Variants in ATP8B1 observed in about 807,000 individuals in gnomAD.
ATP8B1 encodes the protein phospholipid-transporting ATPase IC.
In ATP8B1, 80 loss-of-function variants were observed where a neutral mutation model predicts 149.9. That is an observed-to-expected ratio of 0.53 (90% CI 0.45 to 0.64). ATP8B1 has a LOEUF of 0.64. Among genes scored for constraint, ATP8B1 ranks in the 30% least tolerant of loss-of-function variants. The pLI, the probability that ATP8B1 is intolerant of heterozygous loss-of-function variation, is 0.00. For missense variants in ATP8B1, 1,247 were observed against 1,552.6 expected, an observed-to-expected ratio of 0.80 and a Z score of 3.31; for synonymous variants, 536 against 562.8, an observed-to-expected ratio of 0.95 and a Z score of 0.67.
intron 2 of ATP8B1, among the ~76,000 whole-genome samples, chr18:57,726,587 T>G (rs1436323296): frequency 2.0e-5 from 3 of 152,154 alleles, no homozygotes; most frequent in Non-Finnish European, 4.4e-5. Flanking sequence ...CCCCAGTTAG[T>G]GCAAAGGAGA....
At chr18:57,732,459 C>G (rs1006894464) in intron 1 of ATP8B1, among the ~76,000 whole-genome samples, 1 of 151,190 alleles carries the variant, frequency 6.6e-6, no homozygotes, top group Admixed American at 6.6e-5. Flanking sequence ...ATGAAACAGG[C>G]TATAAAATAT....
intron 24 of ATP8B1, 44 bp from the exon 25 acceptor site, chr18:57,652,773 A>C (rs759994788): frequency 6.2e-7 from 1 of 1,613,140 alleles, no homozygotes; most frequent in Non-Finnish European, 8.5e-7. Context: ...CATCAGGTCA[A>C]AGCAGTCAGA....
chr18:57,666,447 T>G (rs1388410396), intron 20 of ATP8B1, among the ~76,000 whole-genome samples: 1 of 151,974 alleles, frequency 6.6e-6, no homozygotes, highest in Non-Finnish European at 1.5e-5. Flanking sequence ...TAAAAGTTCC[T>G]AGAAAAAGCA....
At chr18:57,688,701 G>A (rs536332427) in intron 12 of ATP8B1, 194 bp from the exon 13 acceptor site, 4 of 616,176 alleles carry the variant, frequency 6.5e-6, no homozygotes, top group East Asian at 2.9e-5. Context: ...GCCTTTAGAA[G>A]GTCATTAGGT....
chr18:57,667,370 G>C, intron 19 of ATP8B1: 2 of 552,300 alleles, frequency 3.6e-6, no homozygotes, highest in Non-Finnish European at 6.5e-6. Context: ...CTGGGACTAC[G>C]CAACTCGCTG....
intron 1 of ATP8B1, among the ~76,000 whole-genome samples, chr18:57,755,780 T>C (rs562446019): frequency 6.6e-6 from 1 of 152,278 alleles, no homozygotes; most frequent in East Asian, 1.9e-4. Flanking sequence ...TCCTATATTC[T>C]CTCCTGTTCT....
intron 11 of ATP8B1, 142 bp from the exon 12 acceptor site, chr18:57,692,139 C>T: frequency 3.0e-6 from 4 of 1,348,220 alleles, no homozygotes; most frequent in Middle Eastern, 2.4e-4. Flanking sequence ...CAAATAAAAA[C>T]AGCACTATCA....
chr18:57,689,803 G>T (rs1912441191), intron 12 of ATP8B1, among the ~76,000 whole-genome samples: 1 of 152,176 alleles, frequency 6.6e-6, no homozygotes, highest in Non-Finnish European at 1.5e-5. Context: ...GGATCATGAG[G>T]TCAGGAGTTC....
intron 20 of ATP8B1, among the ~76,000 whole-genome samples, chr18:57,666,400 G>T (rs1910857645): frequency 6.7e-6 from 1 of 148,812 alleles, no homozygotes; most frequent in Non-Finnish European, 1.5e-5. Context: ...AAAGTTTTGG[G>T]TTTTTTTTTT....
At chr18:57,780,243 G>T (rs1472784420) in intron 1 of ATP8B1, among the ~76,000 whole-genome samples, 1 of 152,138 alleles carries the variant, frequency 6.6e-6, no homozygotes, top group Non-Finnish European at 1.5e-5. Flanking sequence ...TCCTTGAAAG[G>T]ATTAAAAAAT....
chr18:57,744,270 G>A (rs890770002), intron 1 of ATP8B1, among the ~76,000 whole-genome samples: 7 of 132,074 alleles, frequency 5.3e-5, no homozygotes, highest in African/African-American at 2.1e-4. Context: ...AGCCAAGATG[G>A]CACCACTCCA....
chr18:57,693,787 C>A (rs1389811363), intron 11 of ATP8B1, among the ~76,000 whole-genome samples: 1 of 152,164 alleles, frequency 6.6e-6, no homozygotes, highest in African/African-American at 2.4e-5. Flanking sequence ...TGCTGACCAT[C>A]TGCATTCTTT....
chr18:57,747,870 C>A (rs2079978827), intron 1 of ATP8B1, among the ~76,000 whole-genome samples: 1 of 152,172 alleles, frequency 6.6e-6, no homozygotes, highest in Admixed American at 6.5e-5. Context: ...CAAACTCTTC[C>A]AAGGCAGCAG....
intron 2 of ATP8B1, among the ~76,000 whole-genome samples, chr18:57,725,230 A>G (rs1209852002): frequency 2.0e-5 from 2 of 100,168 alleles, no homozygotes; most frequent in Admixed American, 1.2e-4. Flanking sequence ...GTGCACATGT[A>G]CCCTAAAACT....
chr18:57,652,000 T>A (rs1347723903), intron 26 of ATP8B1, 34 bp downstream of exon 26: 1 of 1,596,116 alleles, frequency 6.3e-7, no homozygotes, highest in East Asian at 2.2e-5. Context: ...GACATTTGTC[T>A]GTACATTTAT....
rs566728161 is a variant in ATP8B1, at chr18:57,759,155, C to CAA, written c.-25-27325_-25-27324dup. 7.5e-3 allele frequency among the ~76,000 whole-genome samples: 794 copies of CAA among 106,196 alleles called. 45 individuals carry two copies. The highest frequency in any genetic ancestry group is 0.026 in the African/African-American group (693 of 26,796). The allele number at this position is 106,196 out of a possible 152,430, so 69.7% of individuals were successfully genotyped here. A position where few individuals can be genotyped will look rare whatever the true frequency, so the allele number is the denominator to read the frequency against. ...TGGGCGACAGAACGAGATTCCATCT[C>CAA]AAAAAAAAAAAAAAAAAAAAAAAAA... On this transcript the variant is annotated intron_variant, in intron 1 of 27. Transcript: ENST00000648908.
chr18:57,676,764 C>G (rs1291321599), intron 15 of ATP8B1, among the ~76,000 whole-genome samples: 1 of 148,070 alleles, frequency 6.8e-6, no homozygotes. Flanking sequence ...TGAAACAAAC[C>G]AACCAACCTT....
chr18:57,779,873 G>C (rs906248588), intron 1 of ATP8B1, among the ~76,000 whole-genome samples: 9 of 148,134 alleles, frequency 6.1e-5, no homozygotes, highest in African/African-American at 1.7e-4. Flanking sequence ...CTCCAGCCTG[G>C]GAAATAAGAG....
intron 17 of ATP8B1, among the ~76,000 whole-genome samples, chr18:57,670,355 C>CTTTTTTT (rs370444079): frequency 1.4e-4 from 20 of 139,688 alleles, no homozygotes; most frequent in East Asian, 2.1e-4. Context: ...TTTTCTTTTT[C>CTTTTTTT]TTTTTTTTTT....
Sources: gnomAD v4.1 joint callset for allele counts (sites outside exome capture counted in the v4.1 genomes callset) on GRCh38, gnomAD v4.1.1 for gene constraint, MANE v1.5 for transcripts, NCBI Gene and HGNC (gene_info 2026-07-23, HGNC 2026-07-21) for gene names.